HAUS6: variants seen among roughly 807,000 people sequenced by gnomAD.
HAUS6 encodes the protein HAUS augmin like complex subunit 6.
A neutral mutation model predicts 106.8 loss-of-function variants in HAUS6; 80 were observed. That is an observed-to-expected ratio of 0.75 (90% CI 0.63 to 0.90). The LOEUF (loss-of-function observed/expected upper bound fraction) is 0.90, where lower values mean the gene tolerates loss of function less well. HAUS6 is among the 40% of genes least tolerant of loss of function. The pLI, the probability that HAUS6 is intolerant of heterozygous loss-of-function variation, is 0.00. For missense variants in HAUS6, 1,155 were observed against 1,118.1 expected (o/e 1.03, Z -0.47); for synonymous variants, 356 against 379.1 (o/e 0.94, Z 0.71).
At chr9:19,059,608 A>G (rs1338654709) in intron 15 of HAUS6, among the ~76,000 whole-genome samples, 6 of 152,234 alleles carry the variant, frequency 3.9e-5, no homozygotes, top group African/African-American at 1.4e-4. Context: ...AAGGACACCA[A>G]TATCAGAACT....
intron 10 of HAUS6, among the ~76,000 whole-genome samples, chr9:19,077,246 G>C (rs1054339596): frequency 4.6e-5 from 7 of 152,196 alleles, no homozygotes; most frequent in Non-Finnish European, 8.8e-5. Flanking sequence ...GAGGAGTCTT[G>C]TTTTCTGGCT....
intron 2 of HAUS6, 128 bp downstream of exon 2, chr9:19,096,546 C>T (rs1351274258): frequency 1.7e-5 from 9 of 524,654 alleles, no homozygotes; most frequent in African/African-American, 2.7e-5. Flanking sequence ...GCCTCGATGA[C>T]GGAGTGAGAC....
chr9:19,081,040 C>T (rs1485829455), intron 8 of HAUS6, among the ~76,000 whole-genome samples: 1 of 151,954 alleles, frequency 6.6e-6, no homozygotes, highest in Non-Finnish European at 1.5e-5. Flanking sequence ...CCATTGTACT[C>T]CAGCCTGGGC....
chr9:19,066,452 T>C (rs2131108897), intron 12 of HAUS6, among the ~76,000 whole-genome samples: 1 of 152,240 alleles, frequency 6.6e-6, no homozygotes, highest in South Asian at 2.1e-4. Flanking sequence ...CAAATGACAT[T>C]TAGCTGGCAC....
At chr9:19,083,072 T>G (rs768178108) in intron 7 of HAUS6, 29 bp from the exon 8 acceptor site, 7 of 1,440,048 alleles carry the variant, frequency 4.9e-6, no homozygotes, top group African/African-American at 1.4e-5. Flanking sequence ...AATATTAAAG[T>G]CCACACATAA....
At chr9:19,083,601 G>C (rs1374284970) in intron 7 of HAUS6, among the ~76,000 whole-genome samples, 2 of 151,964 alleles carry the variant, frequency 1.3e-5, no homozygotes, top group South Asian at 4.2e-4. Flanking sequence ...AGGAGATAGA[G>C]ACCATCCTGG....
chr9:19,089,323 G>C, intron 5 of HAUS6, 89 bp downstream of exon 5: 1 of 801,316 alleles, frequency 1.2e-6, no homozygotes, highest in East Asian at 2.5e-5. Flanking sequence ...AGGTTTTCAG[G>C]TAGGCATGGA....
intron 10 of HAUS6, among the ~76,000 whole-genome samples, chr9:19,077,449 C>T (rs1345332507): frequency 2.6e-5 from 4 of 152,142 alleles, no homozygotes; most frequent in Non-Finnish European, 5.9e-5. Flanking sequence ...GCAGTAGAAC[C>T]ACTTGAACCT....
rs764140370 is a variant in HAUS6 at position 19,082,879 on chromosome 9, C to T, written c.864G>A (p.Met288Ile). 7 of 1,458,756 alleles carry T rather than the reference C, an allele frequency of 4.8e-6. No individual in the cohort carries two copies. In the South Asian group the frequency reaches 7.7e-5, roughly 16 times the overall value. 90.4% of individuals were successfully genotyped at this position (1,458,756 alleles called of 1,614,324 possible). A position where few individuals can be genotyped will look rare whatever the true frequency, so the allele number is the denominator to read the frequency against. The change falls in exon 8 of 17, where the codon ATG (methionine) becomes ATA (isoleucine). Residue 288 changes from methionine (M) to isoleucine (I), a missense_variant. Around this residue, in one of 3 missense-constraint regions of HAUS6, gnomAD observed 761 missense variants for 690.0 expected, o/e 1.10. Transcript: ENST00000380502. ...CTTAATATCAAATGCTTACCTGAAA[C>T]ATTTGTTTCTCAATTTTGTCAAGTA... ...RLLLDKIEKQ[M>I]FQLHIGNVYE... is the part of the protein sequence containing the mutation.
At chr9:19,098,434 C>A in intron 1 of HAUS6, among the ~76,000 whole-genome samples, 1 of 76,306 alleles carries the variant, frequency 1.3e-5, no homozygotes, top group African/African-American at 6.4e-5. Flanking sequence ...AAGACTTCGT[C>A]TCAAAAAAAA....
At chr9:19,082,239 T>C (rs554111881) in intron 8 of HAUS6, among the ~76,000 whole-genome samples, 1 of 152,184 alleles carries the variant, frequency 6.6e-6, no homozygotes, top group East Asian at 1.9e-4. Context: ...TGGAGACTTT[T>C]TAAAAGGACA....
chr9:19,074,402 G>C (rs1836945983), intron 11 of HAUS6, among the ~76,000 whole-genome samples: 2 of 152,090 alleles, frequency 1.3e-5, no homozygotes, highest in African/African-American at 4.8e-5. Context: ...CTCCTGAATA[G>C]CTAGGACTAC....
At chr9:19,076,870 G>A (rs1009537337) in intron 10 of HAUS6, among the ~76,000 whole-genome samples, 166 bp from the exon 11 acceptor site, 4 of 152,104 alleles carry the variant, frequency 2.6e-5, no homozygotes, top group African/African-American at 9.7e-5. Context: ...TAAAGACAGG[G>A]TCTCAGTCCC....
intron 1 of HAUS6, 109 bp from the exon 2 acceptor site, chr9:19,096,878 A>G: frequency 1.9e-6 from 1 of 513,646 alleles, no homozygotes; most frequent in Non-Finnish European, 3.4e-6. Flanking sequence ...CATTCTCTTC[A>G]GGAAGTCAAG....
intron 5 of HAUS6, among the ~76,000 whole-genome samples, chr9:19,088,462 T>TACGG (rs746436007): frequency 6.7e-4 from 101 of 151,796 alleles, no homozygotes; most frequent in Non-Finnish European, 1.3e-3. Flanking sequence ...TGCAAAAATT[T>TACGG]ACAGAATGAA....
At chr9:19,093,347 A>G (rs1817795408) in intron 3 of HAUS6, 44 bp from the exon 4 acceptor site, 4 of 1,502,752 alleles carry the variant, frequency 2.7e-6, no homozygotes, top group African/African-American at 1.4e-5. Flanking sequence ...CTTGTTAACA[A>G]TAACTCTTAC....
At chr9:19,090,595 C>T (rs541176475) in intron 4 of HAUS6, among the ~76,000 whole-genome samples, 2 of 152,150 alleles carry the variant, frequency 1.3e-5, no homozygotes, top group Non-Finnish European at 2.9e-5. Context: ...GATCTCCTGG[C>T]CTCATGATCC....
chr9:19,090,453 C>T (rs1457462581), intron 4 of HAUS6, among the ~76,000 whole-genome samples: 2 of 152,056 alleles, frequency 1.3e-5, no homozygotes, highest in African/African-American at 4.8e-5. Context: ...CAACCTCCGC[C>T]TCCAGGGTTC....
intron 8 of HAUS6, among the ~76,000 whole-genome samples, chr9:19,081,630 G>C (rs575530253): frequency 1.3e-5 from 2 of 152,090 alleles, no homozygotes; most frequent in East Asian, 3.9e-4. Flanking sequence ...AGTAGAGACA[G>C]GGTTTCATCA....
Sources: gnomAD v4.1 joint callset for allele counts (sites outside exome capture counted in the v4.1 genomes callset) on GRCh38, gnomAD v4.1.1 for gene constraint, gnomAD v4.1.1 regional missense constraint, MANE v1.5 for transcripts, NCBI Gene and HGNC (gene_info 2026-07-23, HGNC 2026-07-21) for gene names.